ADGRL2: variants seen among roughly 807,000 people sequenced by gnomAD.
The protein encoded by ADGRL2 is adhesion G protein-coupled receptor L2.
Under a neutral mutation model 157.4 loss-of-function variants are expected in ADGRL2, and 44 were observed. The observed-to-expected ratio is 0.28, with a 90% CI of 0.22 to 0.36. The LOEUF (loss-of-function observed/expected upper bound fraction) is 0.36. Among genes scored for constraint, ADGRL2 ranks in the 10% least tolerant of loss-of-function variants. The pLI, the probability that ADGRL2 is intolerant of heterozygous loss-of-function variation, is 1.00. For synonymous variants in ADGRL2, 585 were observed against 624.7 expected (o/e 0.94, Z 0.95); for missense variants, 1,510 against 1,768.9 (o/e 0.85, Z 2.63).
intron 2 of ADGRL2, among the ~76,000 whole-genome samples, chr1:81,561,605 C>G (rs2080444158): frequency 6.6e-6 from 1 of 151,844 alleles, no homozygotes; most frequent in South Asian, 2.1e-4. Flanking sequence ...AGATTACAGG[C>G]ACCCGCCATC....
At chr1:81,929,810 A>G (rs893904852) in intron 3 of ADGRL2, among the ~76,000 whole-genome samples, 1 of 152,066 alleles carries the variant, frequency 6.6e-6, no homozygotes. Context: ...GGACATTGTT[A>G]TTATTGGTAT....
intron 2 of ADGRL2, among the ~76,000 whole-genome samples, chr1:81,472,408 G>A (rs974781186): frequency 1.3e-5 from 2 of 152,204 alleles, no homozygotes; most frequent in Non-Finnish European, 2.9e-5. Flanking sequence ...CGAGGCAGGC[G>A]GATTGCCTGA....
rs1035919981 is a variant in ADGRL2, at chr1:81,675,790, C to T, written c.-142-86021C>T. Among the ~76,000 whole-genome samples the T allele has an allele frequency of 1.4e-4, 21 of 152,168 alleles. 2 individuals carry two copies. Among genetic ancestry groups the T allele is most frequent in the African/African-American group, 2.4e-4 (10 of 41,530 alleles). On this transcript the variant is annotated intron_variant, in intron 3 of 24. Coordinates refer to the ADGRL2 transcript ENST00000370721. ...AGAGACAGGGTTTCACCATGTTAGC[C>T]AGGATAGTCTTGATCTCCTGACCTC...
chr1:81,614,678 T>G (rs772856776), intron 3 of ADGRL2, among the ~76,000 whole-genome samples: 5 of 152,102 alleles, frequency 3.3e-5, no homozygotes, highest in Non-Finnish European at 5.9e-5. Flanking sequence ...CGTATTGGAA[T>G]GACATGTCTA....
chr1:81,390,512 T>A (rs1026920546), intron 1 of ADGRL2, among the ~76,000 whole-genome samples: 1 of 152,106 alleles, frequency 6.6e-6, no homozygotes, highest in African/African-American at 2.4e-5. Flanking sequence ...AAATGATTCA[T>A]GCTTATGACA....
intron 2 of ADGRL2, among the ~76,000 whole-genome samples, chr1:81,535,852 G>A (rs570889916): frequency 2.8e-4 from 42 of 152,172 alleles, no homozygotes; most frequent in African/African-American, 9.6e-4. Context: ...ATACAAATTA[G>A]AGGCAGGATA....
rs200180887 is a variant in ADGRL2, at chr1:81,868,059, T to G, written c.73+31002T>G. Among the ~76,000 whole-genome samples the G allele has an allele frequency of 7.2e-4, 64 of 89,088 alleles. 1 individual carries two copies. Among genetic ancestry groups the G allele is most frequent in the African/African-American group, 2.5e-3 (59 of 23,274 alleles). 58.4% of individuals were successfully genotyped at this position (89,088 alleles called of 152,430 possible). A position where few individuals can be genotyped will look rare whatever the true frequency, so the allele number is the denominator to read the frequency against. ...CACTTTGGGCAAGGCTGTGTGTGTG[T>G]GGTGTGTGTGTGTGTGTGTGTGTGT... On this transcript the variant is annotated intron_variant, in intron 2 of 23. Coordinates refer to ENST00000686636, the MANE Select transcript of ADGRL2 (RefSeq NM_001366006.2).
intron 1 of ADGRL2, among the ~76,000 whole-genome samples, chr1:81,753,636 A>G (rs1354043903): frequency 2.0e-5 from 3 of 152,224 alleles, no homozygotes; most frequent in Non-Finnish European, 2.9e-5. Flanking sequence ...AAAAGTACAT[A>G]ATTTCAGAAA....
At chr1:81,886,274 C>T (rs752317323) in intron 2 of ADGRL2, among the ~76,000 whole-genome samples, 4 of 152,092 alleles carry the variant, frequency 2.6e-5, no homozygotes, top group South Asian at 2.1e-4. Flanking sequence ...CAGGTTCAAG[C>T]GATTCCCCTG....
chr1:81,848,208 A>T (rs1444555217), intron 2 of ADGRL2, among the ~76,000 whole-genome samples: 1 of 151,858 alleles, frequency 6.6e-6, no homozygotes, highest in Non-Finnish European at 1.5e-5. Context: ...AATGAATTTT[A>T]TTAGACTCTT....
chr1:81,360,741 G>C (rs1234624838), intron 1 of ADGRL2, among the ~76,000 whole-genome samples: 1 of 151,624 alleles, frequency 6.6e-6, no homozygotes, highest in African/African-American at 2.4e-5. Context: ...AAGAAGGAAG[G>C]AGGGAAAAAA....
chr1:81,920,900 AAAATGGCTTTTTGCACTC>A (rs1360039663), intron 3 of ADGRL2, among the ~76,000 whole-genome samples: 1 of 152,126 alleles, frequency 6.6e-6, no homozygotes, highest in Non-Finnish European at 1.5e-5. Context: ...TTCAGGTCTA[AAAATGGCTTTTTGCACTC>A]AAAACGTTTA....
chr1:81,875,381 C>A (rs1178245639), intron 2 of ADGRL2, among the ~76,000 whole-genome samples: 1 of 152,222 alleles, frequency 6.6e-6, no homozygotes, highest in East Asian at 1.9e-4. Flanking sequence ...AGATCTATTT[C>A]TGTCATTTAA....
chr1:81,640,868 A>G (rs1358306142), intron 3 of ADGRL2, among the ~76,000 whole-genome samples: 1 of 152,156 alleles, frequency 6.6e-6, no homozygotes, highest in African/African-American at 2.4e-5. Context: ...TGACATGAAA[A>G]TAAAGTTTCC....
At chr1:81,910,101 G>A (rs572393122) in intron 3 of ADGRL2, among the ~76,000 whole-genome samples, 17 of 151,964 alleles carry the variant, frequency 1.1e-4, no homozygotes, top group Middle Eastern at 3.4e-3. Context: ...TTAGCCAGGC[G>A]TGGTGGCAGG....
chr1:81,360,647 G>A (rs2075961695), intron 1 of ADGRL2, among the ~76,000 whole-genome samples: 1 of 151,720 alleles, frequency 6.6e-6, no homozygotes. Context: ...AGGCATCATA[G>A]CCACCTTTTC....
chr1:81,337,115 A>G (rs1661701548), intron 1 of ADGRL2, among the ~76,000 whole-genome samples: 1 of 152,190 alleles, frequency 6.6e-6, no homozygotes. Flanking sequence ...TTCCCACTCC[A>G]TCCCCTTTCC....
At chr1:81,858,123 T>C (rs1185433300) in intron 2 of ADGRL2, among the ~76,000 whole-genome samples, 1 of 152,116 alleles carries the variant, frequency 6.6e-6, no homozygotes, top group Admixed American at 6.6e-5. Context: ...TATTATATAA[T>C]CTCTAACACT....
intron 3 of ADGRL2, among the ~76,000 whole-genome samples, chr1:81,591,322 A>C (rs1349617453): frequency 6.6e-6 from 1 of 152,084 alleles, no homozygotes; most frequent in Admixed American, 6.6e-5. Context: ...CCTTTTTTTC[A>C]GAGTCCTAAA....
Sources: gnomAD v4.1 joint callset for allele counts (sites outside exome capture counted in the v4.1 genomes callset) on GRCh38, gnomAD v4.1.1 for gene constraint, MANE v1.5 for transcripts, NCBI Gene and HGNC (gene_info 2026-07-23, HGNC 2026-07-21) for gene names.